Variants in EML2 observed in about 807,000 individuals in gnomAD.
The protein encoded by EML2 is echinoderm microtubule-associated protein-like 2.
EML2 carries 59 observed loss-of-function variants against 84.7 expected under a neutral mutation model. The observed-to-expected ratio is 0.70, with a 90% CI of 0.56 to 0.86. EML2 has a LOEUF of 0.86. Among genes scored for constraint, EML2 ranks in the 40% least tolerant of loss-of-function variants. The pLI, the probability that EML2 is intolerant of heterozygous loss-of-function variation, is 0.00. For synonymous variants in EML2, 352 were observed against 348.9 expected, an observed-to-expected ratio of 1.01 and a Z score of -0.10; for missense variants, 818 against 855.6, an observed-to-expected ratio of 0.96 and a Z score of 0.55.
chr19:45,615,744 C>A, intron 16 of EML2, 58 bp downstream of exon 16: 1 of 1,455,328 alleles, frequency 6.9e-7, no homozygotes, highest in Non-Finnish European at 9.6e-7. Context: ...TCCCAGAACT[C>A]AGGGAAGTCT....
In EML2 at chr19:45,609,629, T is replaced by A. The variant is rs1970273452; in HGVS notation, c.*34A>T. 2 of 1,584,954 alleles carry A rather than the reference T, an allele frequency of 1.3e-6. No homozygotes were observed. Among genetic ancestry groups the A allele is most frequent in the Non-Finnish European group, 1.7e-6 (2 of 1,166,816 alleles). ...AATAGACATCTCCCGAAAATAGAAT[T>A]CCTGCCCTGACACCTGACTCTTCCC... On this transcript the variant is annotated 3_prime_UTR_variant, in exon 19 of 19. Transcript: ENST00000245925.
At chr19:45,645,177 G>A (rs542161982), upstream of EML2, 7 of 1,340,760 alleles carry the variant, frequency 5.2e-6, no homozygotes, top group Middle Eastern at 2.3e-4. Context: ...CTTCAGCAAG[G>A]GAGGGGGTTG....
chr19:45,614,453 C>T (rs1297232747), intron 17 of EML2, 152 bp downstream of exon 17: 1 of 705,476 alleles, frequency 1.4e-6, no homozygotes, highest in South Asian at 1.7e-5. Flanking sequence ...TCATCTCACC[C>T]TACCCTTTCC....
intron 8 of EML2, 45 bp downstream of exon 8, chr19:45,626,660 T>C (rs759124561): frequency 6.3e-7 from 1 of 1,579,000 alleles, no homozygotes; most frequent in Non-Finnish European, 8.7e-7. Context: ...TGTCCCTAAC[T>C]ACCTCTCTCA....
chr19:45,620,764 C>G, intron 11 of EML2: 1 of 281,860 alleles, frequency 3.5e-6, no homozygotes, highest in African/African-American at 2.2e-5. Context: ...TAGGTGAGTT[C>G]TTTAATTGGG....
intron 10 of EML2, 46 bp downstream of exon 10, chr19:45,621,437 G>C: frequency 6.4e-7 from 1 of 1,572,268 alleles, no homozygotes. Flanking sequence ...TGGTGAGATC[G>C]GGGGGGGCCT....
intron 4 of EML2, among the ~76,000 whole-genome samples, chr19:45,633,479 G>T (rs1973325663): frequency 6.6e-6 from 1 of 150,596 alleles, no homozygotes; most frequent in African/African-American, 2.4e-5. Flanking sequence ...TTTAAGAGGC[G>T]GAGTCTCCCA....
Position 45,618,009 on chromosome 19 carries a change from T to C in EML2, c.1255-312A>G, listed in dbSNP as rs140152796. 7.2e-5 allele frequency among the ~76,000 whole-genome samples: 11 copies of C among 152,346 alleles called. No individual in the cohort carries two copies. In the East Asian group the frequency reaches 2.1e-3, roughly 29 times the overall value. ...GATAATTTCCTAGATGTGGGAATGC[T>C]GGGACAAAGGGCATCTAGAATTTTA... On this transcript the variant is annotated intron_variant, in intron 12 of 18. Transcript: ENST00000245925.
At chr19:45,633,785 C>T (rs185584869) in intron 4 of EML2, among the ~76,000 whole-genome samples, 4 of 152,248 alleles carry the variant, frequency 2.6e-5, no homozygotes, top group Non-Finnish European at 5.9e-5. Flanking sequence ...CGCTCTGTCC[C>T]CCAGGCTAGA....
intron 6 of EML2, among the ~76,000 whole-genome samples, chr19:45,630,809 C>T (rs543697657): frequency 1.3e-5 from 2 of 152,214 alleles, no homozygotes; most frequent in South Asian, 4.1e-4. Context: ...AGGTGAAATT[C>T]AGCAGTTAAC....
chr19:45,620,907 G>C (rs1300378414), intron 11 of EML2: 1 of 482,862 alleles, frequency 2.1e-6, no homozygotes, highest in East Asian at 5.0e-5. Flanking sequence ...TGTGTGGCCA[G>C]GGTGTCTGCA....
At chr19:45,643,443 G>T (rs1974772832), upstream of EML2, 2 of 988,704 alleles carry the variant, frequency 2.0e-6, no homozygotes, top group East Asian at 2.7e-5. Context: ...CCGCGCCCCA[G>T]ATTTGGCTCT....
chr19:45,643,422 G>A (rs548513696), upstream of EML2, among the ~76,000 whole-genome samples: 3 of 152,018 alleles, frequency 2.0e-5, no homozygotes, highest in Non-Finnish European at 2.9e-5. Context: ...TCTTTATTTC[G>A]CCTCTGTACC....
At chr19:45,623,599 G>A (rs1971978543) in intron 9 of EML2, 2 of 151,122 alleles carry the variant, frequency 1.3e-5, no homozygotes, top group Admixed American at 6.6e-5. Context: ...CCCCTAGGCT[G>A]GAGTGCAGTG....
At chr19:45,625,456 G>A (rs1481136673) in intron 8 of EML2, among the ~76,000 whole-genome samples, 8 of 152,076 alleles carry the variant, frequency 5.3e-5, no homozygotes, top group Admixed American at 2.0e-4. Flanking sequence ...TTGGCCAGGC[G>A]GGTCTGAACT....
At chr19:45,619,302 C>G in intron 11 of EML2, 111 bp from the exon 12 acceptor site, 1 of 1,379,648 alleles carries the variant, frequency 7.2e-7, no homozygotes, top group Non-Finnish European at 9.7e-7. Flanking sequence ...CCTGCCCCAG[C>G]GGGACCCAGG....
chr19:45,639,544 T>C, upstream of EML2: 1 of 563,706 alleles, frequency 1.8e-6, no homozygotes, highest in Non-Finnish European at 2.6e-6. Context: ...GGACTCCCGA[T>C]CCCAGGTTCT....
At chr19:45,626,630 G>A in intron 8 of EML2, 75 bp downstream of exon 8, 2 of 1,508,034 alleles carry the variant, frequency 1.3e-6, no homozygotes, top group Non-Finnish European at 1.8e-6. Context: ...CCCTCTGGGG[G>A]ATCTTGCTAC....
At chr19:45,621,001 C>T in intron 11 of EML2, 1 of 723,056 alleles carries the variant, frequency 1.4e-6, no homozygotes, top group Admixed American at 2.1e-5. Flanking sequence ...ACAGTTGGAG[C>T]AGGGGCCTGG....
Sources: gnomAD v4.1 joint callset for allele counts (sites outside exome capture counted in the v4.1 genomes callset) on GRCh38, gnomAD v4.1.1 for gene constraint, MANE v1.5 for transcripts, NCBI Gene and HGNC (gene_info 2026-07-23, HGNC 2026-07-21) for gene names.